Variants in OPCML observed in about 807,000 individuals in gnomAD.
OPCML encodes opioid binding protein/cell adhesion molecule like, also known as opioid-binding protein/cell adhesion molecule.
Under a neutral mutation model 37.8 loss-of-function variants are expected in OPCML, and 13 were observed. The ratio of observed to expected loss-of-function variants is 0.34; its 90% CI spans 0.22 to 0.55. The LOEUF (loss-of-function observed/expected upper bound fraction) is 0.55. Ranked by LOEUF, OPCML falls within the 20% of genes least tolerant of loss-of-function variation. The pLI, the probability that OPCML is intolerant of heterozygous loss-of-function variation, is 0.91. For missense variants in OPCML, 341 were observed against 435.6 expected (o/e 0.78, Z 1.93); for synonymous variants, 176 against 168.8 (o/e 1.04, Z -0.33).
chr11:132,868,873 T>A (rs1258282061), intron 2 of OPCML, among the ~76,000 whole-genome samples: 1 of 152,160 alleles, frequency 6.6e-6, no homozygotes, highest in African/African-American at 2.4e-5. Context: ...TGCACAAGTG[T>A]GTGTGCTTGT....
chr11:133,138,893 A>G (rs1392868760), intron 1 of OPCML, among the ~76,000 whole-genome samples: 1 of 152,212 alleles, frequency 6.6e-6, no homozygotes, highest in Non-Finnish European at 1.5e-5. Flanking sequence ...CAGCAAGTCT[A>G]TTCTCCATTC....
At chr11:133,281,273 G>A (rs1377975202) in intron 1 of OPCML, among the ~76,000 whole-genome samples, 1 of 152,238 alleles carries the variant, frequency 6.6e-6, no homozygotes, top group African/African-American at 2.4e-5. Flanking sequence ...GAGGGGTTTT[G>A]ATCATGAGGA....
intron 1 of OPCML, among the ~76,000 whole-genome samples, chr11:132,955,464 C>A (rs887859427): frequency 1.3e-5 from 2 of 152,160 alleles, no homozygotes; most frequent in Admixed American, 6.5e-5. Context: ...GACACTAGAA[C>A]ATACACCTGA....
chr11:132,733,711 CGTGGTAA>C, intron 2 of OPCML, among the ~76,000 whole-genome samples: 1 of 152,168 alleles, frequency 6.6e-6, no homozygotes, highest in East Asian at 1.9e-4. Flanking sequence ...ATTGATCCAC[CGTGGTAA>C]GTGTTGTGGA....
At chr11:132,937,598 GT>G (rs369183609) in intron 2 of OPCML, among the ~76,000 whole-genome samples, 5,860 of 87,596 alleles carry the variant, frequency 0.067, 196 homozygotes, top group South Asian at 0.12. Flanking sequence ...TGTGTGGGGT[GT>G]GTGTGTGTGT....
At chr11:133,406,922 A>C (rs1181261903) in intron 1 of OPCML, among the ~76,000 whole-genome samples, 1 of 152,202 alleles carries the variant, frequency 6.6e-6, no homozygotes, top group Non-Finnish European at 1.5e-5. Context: ...TTAATCAGAG[A>C]AATAAATACA....
At position 133,255,492 on chromosome 11, in the gene OPCML, A is replaced by C. The variant is rs543232225; in HGVS notation, c.61+276772T>G. Among the ~76,000 whole-genome samples the C allele has an allele frequency of 7.6e-4, 116 of 152,354 alleles. No individual in the cohort carries two copies. In the South Asian group the frequency reaches 0.019, roughly 25 times the overall value. ...AGCATGTCTGACTATACCATCAAAA[A>C]CAAAACATTTTGTATATAAACAATT... On this transcript the variant is annotated intron_variant, in intron 1 of 7. Transcript: ENST00000524381.
chr11:133,165,108 T>C (rs1950192024), intron 1 of OPCML, among the ~76,000 whole-genome samples: 1 of 152,210 alleles, frequency 6.6e-6, no homozygotes, highest in Non-Finnish European at 1.5e-5. Context: ...TGTGATTTGG[T>C]CACAGCCAGA....
chr11:132,520,259 C>T (rs1456748391), intron 4 of OPCML, among the ~76,000 whole-genome samples: 1 of 152,164 alleles, frequency 6.6e-6, no homozygotes, highest in Non-Finnish European at 1.5e-5. Flanking sequence ...TGGAAGCCAT[C>T]TTTGTATAAT....
At chr11:132,421,084 C>T (rs2095957179) in intron 7 of OPCML, among the ~76,000 whole-genome samples, 1 of 152,004 alleles carries the variant, frequency 6.6e-6, no homozygotes, top group South Asian at 2.1e-4. Flanking sequence ...CTGTTCTTTT[C>T]CCCTCACCTT....
intron 3 of OPCML, among the ~76,000 whole-genome samples, chr11:132,628,442 A>T (rs1473481152): frequency 2.0e-5 from 3 of 152,178 alleles, no homozygotes; most frequent in Admixed American, 1.3e-4. Context: ...ATGCTTTGGC[A>T]TCTGGGGTCT....
chr11:132,715,516 G>A (rs1409659052), intron 2 of OPCML, among the ~76,000 whole-genome samples: 1 of 152,150 alleles, frequency 6.6e-6, no homozygotes, highest in African/African-American at 2.4e-5. Flanking sequence ...AAATTCATAG[G>A]TTGAAATCCT....
At chr11:133,396,505 G>A (rs899348209) in intron 1 of OPCML, among the ~76,000 whole-genome samples, 2 of 152,034 alleles carry the variant, frequency 1.3e-5, no homozygotes, top group African/African-American at 4.8e-5. Flanking sequence ...GTTTACACAG[G>A]CTCTCAATCT....
intron 1 of OPCML, among the ~76,000 whole-genome samples, chr11:133,082,551 C>T (rs1219342425): frequency 7.0e-6 from 1 of 143,384 alleles, no homozygotes; most frequent in Non-Finnish European, 1.5e-5. Flanking sequence ...CTCCCCCTCG[C>T]CCATCCCCCT....
At chr11:133,367,649 T>A (rs1291249479) in intron 1 of OPCML, among the ~76,000 whole-genome samples, 1 of 152,206 alleles carries the variant, frequency 6.6e-6, no homozygotes, top group Non-Finnish European at 1.5e-5. Context: ...CAATTTAGCA[T>A]CTAATAATAG....
At chr11:133,130,370 C>A (rs1418324861) in intron 1 of OPCML, among the ~76,000 whole-genome samples, 1 of 152,004 alleles carries the variant, frequency 6.6e-6, no homozygotes, top group Non-Finnish European at 1.5e-5. Flanking sequence ...GAGAAAGGAA[C>A]ATAAAAAATG....
intron 1 of OPCML, among the ~76,000 whole-genome samples, chr11:132,949,220 C>T (rs1945807632): frequency 6.6e-6 from 1 of 152,198 alleles, no homozygotes; most frequent in Admixed American, 6.5e-5. Context: ...GGGAAAAACA[C>T]CTGTAAAAAG....
chr11:132,538,573 C>A (rs887539507), intron 3 of OPCML, among the ~76,000 whole-genome samples: 2 of 152,154 alleles, frequency 1.3e-5, no homozygotes, highest in African/African-American at 4.8e-5. Flanking sequence ...ATTGTATCTG[C>A]ATAAAACGTT....
intron 4 of OPCML, among the ~76,000 whole-genome samples, chr11:132,521,180 T>C (rs1165336572): frequency 6.6e-6 from 1 of 152,212 alleles, no homozygotes; most frequent in African/African-American, 2.4e-5. Context: ...ATGTCTTCTT[T>C]TCAGAAGTAT....
Sources: allele counts gnomAD v4.1 joint callset (sites outside exome capture counted in the v4.1 genomes callset), GRCh38; gene constraint gnomAD v4.1.1; transcripts MANE v1.5; gene names NCBI Gene and HGNC (gene_info 2026-07-23, HGNC 2026-07-21).